The following ATP8B1 variants were observed in gnomAD, a reference collection of about 807,000 sequenced individuals.
ATP8B1 encodes the protein phospholipid-transporting ATPase IC.
Under a neutral mutation model 149.9 loss-of-function variants are expected in ATP8B1, and 80 were observed. The ratio of observed to expected loss-of-function variants is 0.53; its 90% CI spans 0.45 to 0.64. The LOEUF (loss-of-function observed/expected upper bound fraction) is 0.64. Ranked by LOEUF, ATP8B1 falls within the 30% of genes least tolerant of loss-of-function variation. ATP8B1 has a pLI of 0.00. For synonymous variants in ATP8B1, 536 were observed against 562.8 expected (o/e 0.95, Z 0.67); for missense variants, 1,247 against 1,552.6 (o/e 0.80, Z 3.31).
chr18:57,696,796 G>A (rs113883773), intron 8 of ATP8B1, among the ~76,000 whole-genome samples: 106 of 152,268 alleles, frequency 7.0e-4, no homozygotes, highest in African/African-American at 2.5e-3. Context: ...AATAATATTC[G>A]TCTCACATGG....
At chr18:57,750,935 A>G (rs2080010834) in intron 1 of ATP8B1, among the ~76,000 whole-genome samples, 1 of 152,306 alleles carries the variant, frequency 6.6e-6, no homozygotes, top group East Asian at 1.9e-4. Context: ...CCTGGCCAAC[A>G]TGGTGAAACT....
intron 2 of ATP8B1, among the ~76,000 whole-genome samples, chr18:57,715,594 G>A (rs1163911240): frequency 6.6e-6 from 1 of 152,120 alleles, no homozygotes; most frequent in Non-Finnish European, 1.5e-5. Context: ...AAAAGTCAAG[G>A]ATAAAAGGAA....
At chr18:57,688,780 C>T in intron 12 of ATP8B1, 2 of 454,296 alleles carry the variant, frequency 4.4e-6, no homozygotes, top group Middle Eastern at 1.3e-3. Flanking sequence ...GCTTGCTTGC[C>T]CCTTCTGCCA....
intron 1 of ATP8B1, among the ~76,000 whole-genome samples, chr18:57,753,413 A>C (rs1486361102): frequency 2.0e-5 from 3 of 152,226 alleles, no homozygotes; most frequent in Middle Eastern, 3.2e-3. Flanking sequence ...TGTGTTTGAA[A>C]TCTTTCTAAA....
intron 1 of ATP8B1, among the ~76,000 whole-genome samples, chr18:57,781,732 T>C (rs1210635175): frequency 6.6e-6 from 1 of 152,182 alleles, no homozygotes; most frequent in Admixed American, 6.5e-5. Context: ...TCCAGTACTT[T>C]GGGAGGCCGA....
intron 1 of ATP8B1, among the ~76,000 whole-genome samples, chr18:57,751,173 A>G (rs945592479): frequency 1.5e-4 from 23 of 152,120 alleles, no homozygotes; most frequent in African/African-American, 5.6e-4. Context: ...GTTATGGCTT[A>G]AACATTAGTA....
intron 1 of ATP8B1, among the ~76,000 whole-genome samples, chr18:57,759,155 C>CAAAAAAAAAAA (rs566728161): frequency 4.7e-4 from 50 of 106,286 alleles, no homozygotes; most frequent in African/African-American, 9.3e-4. Context: ...GATTCCATCT[C>CAAAAAAAAAAA]AAAAAAAAAA....
chr18:57,717,322 G>A (rs2079591636), intron 2 of ATP8B1, among the ~76,000 whole-genome samples: 2 of 151,920 alleles, frequency 1.3e-5, no homozygotes, highest in African/African-American at 4.8e-5. Context: ...GAGGTGGGCA[G>A]ATCATGAGGT....
chr18:57,667,971 C>T (rs767023446), intron 19 of ATP8B1: 2 of 936,852 alleles, frequency 2.1e-6, no homozygotes, highest in South Asian at 3.4e-5. Flanking sequence ...TTGTTGAGTT[C>T]TAAAGTTAAA....
At chr18:57,719,382 G>A (rs1695286697) in intron 2 of ATP8B1, among the ~76,000 whole-genome samples, 1 of 152,152 alleles carries the variant, frequency 6.6e-6, no homozygotes, top group Non-Finnish European at 1.5e-5. Context: ...CCAGACAGTG[G>A]GCGCAGGCCA....
chr18:57,654,419 A>G (rs998121566), intron 23 of ATP8B1, among the ~76,000 whole-genome samples: 4 of 151,956 alleles, frequency 2.6e-5, no homozygotes, highest in Admixed American at 2.6e-4. Flanking sequence ...CCCAGGTTCA[A>G]GTGATTCTTC....
At position 57,668,419 on chromosome 18, in the gene ATP8B1, A is replaced by G. The variant is rs1555689635; in HGVS notation, c.2209+10T>C. 6.3e-7 allele frequency: 1 copy of G among 1,583,564 alleles called. No individual in the cohort carries two copies. Among genetic ancestry groups the G allele is most frequent in the African/African-American group, 1.3e-5 (1 of 74,350 alleles). On this transcript the variant is annotated intron_variant, in intron 19 of 27. Coordinates refer to ENST00000648908, the MANE Select transcript of ATP8B1 (RefSeq NM_001374385.1). ...AATTAACAGATATGCTTCCCTGCAC[A>G]ATGAATTACCCTTTTTGTCTCCAGT...
intron 19 of ATP8B1, chr18:57,668,188 T>A (rs1910999966): frequency 1.4e-6 from 2 of 1,426,354 alleles, no homozygotes; most frequent in Non-Finnish European, 1.8e-6. Flanking sequence ...CCAATTATAA[T>A]CAGCAAGACA....
At chr18:57,656,314 G>C (rs1315193054) in intron 22 of ATP8B1, among the ~76,000 whole-genome samples, 1 of 151,930 alleles carries the variant, frequency 6.6e-6, no homozygotes, top group East Asian at 1.9e-4. Flanking sequence ...GGAATTAGAA[G>C]TCAGTTATTT....
At chr18:57,734,463 C>T (rs2079825417) in intron 1 of ATP8B1, among the ~76,000 whole-genome samples, 1 of 152,184 alleles carries the variant, frequency 6.6e-6, no homozygotes, top group African/African-American at 2.4e-5. Flanking sequence ...AGTACCTAGC[C>T]TGCAATAAGT....
intron 2 of ATP8B1, among the ~76,000 whole-genome samples, chr18:57,722,268 A>G (rs2079654755): frequency 6.8e-6 from 1 of 147,468 alleles, no homozygotes; most frequent in Non-Finnish European, 1.5e-5. Context: ...TGAAGGAAAT[A>G]GAGACACAAA....
chr18:57,763,320 A>G (rs2080174379), intron 1 of ATP8B1, among the ~76,000 whole-genome samples: 1 of 151,976 alleles, frequency 6.6e-6, no homozygotes, highest in Non-Finnish European at 1.5e-5. Context: ...TGAACCTGGG[A>G]GGCGGAGATT....
At chr18:57,709,998 T>C (rs28664570) in intron 2 of ATP8B1, among the ~76,000 whole-genome samples, 2 of 81,596 alleles carry the variant, frequency 2.5e-5, no homozygotes, top group Non-Finnish European at 4.7e-5. Context: ...TTTTCTTTTC[T>C]TTTTTTTTTT....
At chr18:57,780,380 C>G (rs554539405) in intron 1 of ATP8B1, among the ~76,000 whole-genome samples, 1 of 152,292 alleles carries the variant, frequency 6.6e-6, no homozygotes, top group South Asian at 2.1e-4. Flanking sequence ...TGGCCTGTTT[C>G]CCAAGTCATT....
Sources: gnomAD v4.1 joint callset for allele counts (sites outside exome capture counted in the v4.1 genomes callset) on GRCh38, gnomAD v4.1.1 for gene constraint, MANE v1.5 for transcripts, NCBI Gene and HGNC (gene_info 2026-07-23, HGNC 2026-07-21) for gene names.